MED27: variants seen among roughly 807,000 people sequenced by gnomAD.
MED27 encodes mediator of RNA polymerase II transcription subunit 27.
MED27 carries 30 observed loss-of-function variants against 38.2 expected under a neutral mutation model. The observed-to-expected ratio is 0.79, with a 90% CI of 0.59 to 1.07. The LOEUF (loss-of-function observed/expected upper bound fraction) is 1.07. MED27 is among the 50% of genes least tolerant of loss of function. MED27 has a pLI of 0.00. For synonymous variants in MED27, 122 were observed against 153.5 expected (o/e 0.79, Z 1.52); for missense variants, 289 against 397.5 (o/e 0.73, Z 2.32).
chr9:131,882,375 A>G (rs1839063410), intron 6 of MED27, among the ~76,000 whole-genome samples: 1 of 152,178 alleles, frequency 6.6e-6, no homozygotes, highest in Non-Finnish European at 1.5e-5. Context: ...TTAGAACCAG[A>G]CAGAGGTAGT....
intron 5 of MED27, among the ~76,000 whole-genome samples, chr9:131,890,068 C>T (rs566445600): frequency 5.0e-4 from 76 of 152,238 alleles, no homozygotes; most frequent in African/African-American, 1.8e-3. Flanking sequence ...TGCACTAATG[C>T]CTAGATTGTA....
chr9:131,984,129 G>T (rs1831800140), intron 3 of MED27, among the ~76,000 whole-genome samples: 1 of 152,036 alleles, frequency 6.6e-6, no homozygotes, highest in Non-Finnish European at 1.5e-5. Context: ...CCCCACATTT[G>T]CTCAGATGTC....
At chr9:131,990,252 C>A (rs1446870214) in intron 3 of MED27, among the ~76,000 whole-genome samples, 1 of 152,166 alleles carries the variant, frequency 6.6e-6, no homozygotes, top group African/African-American at 2.4e-5. Flanking sequence ...CCAAAGATAC[C>A]ATGTAATAAA....
At chr9:132,069,025 TTGCATAAGGACAAA>T in intron 2 of MED27, among the ~76,000 whole-genome samples, 1 of 152,360 alleles carries the variant, frequency 6.6e-6, no homozygotes, top group East Asian at 1.9e-4. Context: ...ATGTGCAATT[TTGCATAAGGACAAA>T]TGACAGAGAC....
chr9:132,025,872 T>C (rs1042677672), intron 2 of MED27, among the ~76,000 whole-genome samples: 3 of 152,192 alleles, frequency 2.0e-5, no homozygotes, highest in Non-Finnish European at 4.4e-5. Flanking sequence ...CCATTAACAC[T>C]TAAGCTAAGT....
intron 3 of MED27, among the ~76,000 whole-genome samples, chr9:131,989,911 C>A (rs35946398): frequency 0.03 from 4,570 of 152,248 alleles, 101 homozygotes; most frequent in Middle Eastern, 0.12. Context: ...AGTCACTGGG[C>A]CAGCAGAGCC....
intron 3 of MED27, among the ~76,000 whole-genome samples, chr9:131,948,523 C>A (rs866642237): frequency 1.9e-4 from 28 of 151,342 alleles, no homozygotes; most frequent in South Asian, 4.2e-4. Flanking sequence ...AACAAAAAAC[C>A]AAAACATAAC....
At chr9:131,903,661 G>A (rs182168167) in intron 4 of MED27, among the ~76,000 whole-genome samples, 8 of 152,288 alleles carry the variant, frequency 5.3e-5, no homozygotes, top group Admixed American at 1.3e-4. Context: ...GAGCGTCCAC[G>A]AGAGCTACTA....
chr9:131,949,154 T>C (rs1170549108), intron 3 of MED27, among the ~76,000 whole-genome samples: 2 of 152,170 alleles, frequency 1.3e-5, no homozygotes, highest in Non-Finnish European at 2.9e-5. Flanking sequence ...ATTCCTACAG[T>C]ATCTATTAAT....
intron 6 of MED27, among the ~76,000 whole-genome samples, chr9:131,869,775 G>C (rs887041446): frequency 3.9e-5 from 6 of 152,178 alleles, no homozygotes; most frequent in African/African-American, 1.4e-4. Flanking sequence ...GGAGGCGCCT[G>C]GTTCACCCCA....
chr9:132,041,429 G>A (rs1464122463), intron 2 of MED27, among the ~76,000 whole-genome samples: 5 of 152,214 alleles, frequency 3.3e-5, no homozygotes, highest in African/African-American at 1.2e-4. Context: ...GGAAGAACCA[G>A]GTATGGCATG....
At chr9:132,041,831 C>T (rs1046654011) in intron 2 of MED27, among the ~76,000 whole-genome samples, 1 of 152,252 alleles carries the variant, frequency 6.6e-6, no homozygotes, top group Non-Finnish European at 1.5e-5. Context: ...GCAGCTGCCG[C>T]TGACTTTCTT....
chr9:132,033,405 G>A (rs1833006169), intron 2 of MED27, among the ~76,000 whole-genome samples: 1 of 152,018 alleles, frequency 6.6e-6, no homozygotes, highest in Admixed American at 6.5e-5. Context: ...GCCAACAAAG[G>A]CATTTTTGGA....
chr9:131,986,772 C>T (rs1373498337), intron 3 of MED27, among the ~76,000 whole-genome samples: 2 of 152,192 alleles, frequency 1.3e-5, no homozygotes, highest in African/African-American at 4.8e-5. Flanking sequence ...ATTACTTGGC[C>T]TTGGCTGTTT....
intron 2 of MED27, among the ~76,000 whole-genome samples, chr9:132,016,169 G>A (rs1044840816): frequency 1.3e-5 from 2 of 152,146 alleles, no homozygotes; most frequent in African/African-American, 4.8e-5. Context: ...CTCACCTAAA[G>A]CCATAGGGCT....
At chr9:132,021,077 C>A (rs895500894) in intron 2 of MED27, among the ~76,000 whole-genome samples, 1 of 152,152 alleles carries the variant, frequency 6.6e-6, no homozygotes, top group Admixed American at 6.6e-5. Context: ...ATGCTAAATG[C>A]CATTTGAGTT....
chr9:131,983,014 C>A (rs1244317137), intron 3 of MED27, among the ~76,000 whole-genome samples: 3 of 152,152 alleles, frequency 2.0e-5, no homozygotes, highest in African/African-American at 7.2e-5. Context: ...TGAGTTTCAG[C>A]AAGTTCCCAG....
chr9:131,954,647 C>A (rs929050757), intron 3 of MED27, among the ~76,000 whole-genome samples: 2 of 151,996 alleles, frequency 1.3e-5, no homozygotes, highest in Admixed American at 1.3e-4. Flanking sequence ...TCAATTTGAC[C>A]CCTCTGCTCA....
At chr9:132,009,730 G>A (rs976688906) in intron 3 of MED27, among the ~76,000 whole-genome samples, 1 of 152,236 alleles carries the variant, frequency 6.6e-6, no homozygotes, top group African/African-American at 2.4e-5. Flanking sequence ...CAGAAACTGT[G>A]AGAGATAATG....
Sources: allele counts gnomAD v4.1 joint callset (sites outside exome capture counted in the v4.1 genomes callset), GRCh38; gene constraint gnomAD v4.1.1; transcripts MANE v1.5; gene names NCBI Gene and HGNC (gene_info 2026-07-23, HGNC 2026-07-21).